TEX9: variants seen among roughly 807,000 people sequenced by gnomAD.
TEX9 encodes testis-expressed protein 9.
TEX9 carries 74 observed loss-of-function variants against 59.6 expected under a neutral mutation model. The observed-to-expected ratio is 1.24, with a 90% CI of 1.03 to 1.51. The LOEUF is 1.51. TEX9 is among the 40% of genes most tolerant of loss of function. TEX9 has a pLI of 0.00. For missense variants in TEX9, 522 were observed against 447.8 expected, an observed-to-expected ratio of 1.17 and a Z score of -1.49; for synonymous variants, 186 against 152.2, an observed-to-expected ratio of 1.22 and a Z score of -1.64.
At position 56,281,825 on chromosome 15, in the gene TEX9, C is replaced by T. The variant is rs540538404; in HGVS notation, c.-107+37547C>T. 6.6e-5 allele frequency among the ~76,000 whole-genome samples: 10 copies of T among 152,260 alleles called. No individual in the cohort carries two copies. In the East Asian group the frequency reaches 1.9e-3, roughly 29 times the overall value. On this transcript the variant is annotated intron_variant, in intron 1 of 5. Coordinates refer to the TEX9 transcript ENST00000560827. ...TATGCTTTATAGCTCTACCCAAATACAGTGTCCATTCCGAAGATCCGCAGT... is the reference window on the plus strand; with the variant it reads ...TATGCTTTATAGCTCTACCCAAATATAGTGTCCATTCCGAAGATCCGCAGT...
At chr15:56,267,424 T>A (rs2953798) in intron 1 of TEX9, among the ~76,000 whole-genome samples, 16,096 of 152,210 alleles carry the variant, frequency 0.11, 1,512 homozygotes, top group East Asian at 0.47. Flanking sequence ...CTGAATGGTA[T>A]TGCCTAGGTT....
At chr15:56,412,186 G>GA (rs1270110614) in intron 9 of TEX9, 116 bp from the exon 10 acceptor site, 1 of 892,226 alleles carries the variant, frequency 1.1e-6, no homozygotes, top group Non-Finnish European at 1.7e-6. Context: ...GTGTGTGTGT[G>GA]TGTGTGTAAA....
At chr15:56,446,322 T>C (rs1190332035), downstream of TEX9, among the ~76,000 whole-genome samples, 2 of 152,038 alleles carry the variant, frequency 1.3e-5, no homozygotes, top group African/African-American at 4.8e-5. Flanking sequence ...AAAGCACTCC[T>C]AGTGAGTATG....
At chr15:56,460,001 A>ATATATATATATATATAT in the TEX9 span, among the ~76,000 whole-genome samples, 1 of 33,882 alleles carries the variant, frequency 3.0e-5, no homozygotes, top group African/African-American at 1.1e-4. Context: ...AAAAAAAAAA[A>ATATATATATATATATAT]AAAAAAAAAT....
At chr15:56,434,273 A>G (rs768973665) in intron 12 of TEX9, 7 of 1,613,950 alleles carry the variant, frequency 4.3e-6, no homozygotes, top group Non-Finnish European at 5.9e-6. Flanking sequence ...TAGCTAGCAT[A>G]GTTTTTCTAA....
intron 12 of TEX9, chr15:56,445,563 T>G (rs1488762896): frequency 6.6e-6 from 1 of 152,046 alleles, no homozygotes; most frequent in Non-Finnish European, 1.5e-5. Flanking sequence ...TTTCTGATTA[T>G]CTTCTTTGTA....
At chr15:56,457,847 ACAACT>A in the TEX9 span, among the ~76,000 whole-genome samples, 1 of 152,036 alleles carries the variant, frequency 6.6e-6, no homozygotes, top group Non-Finnish European at 1.5e-5. Context: ...CAATTATCAC[ACAACT>A]CAACAATTTT....
chr15:56,394,789 C>A, exon 9 of TEX9: 1 of 1,612,452 alleles, frequency 6.2e-7, no homozygotes. Flanking sequence ...AAGAAGCAAA[C>A]AAAAAGTATG....
At chr15:56,256,884 G>A (rs1326089974) in intron 1 of TEX9, among the ~76,000 whole-genome samples, 1 of 151,958 alleles carries the variant, frequency 6.6e-6, no homozygotes, top group African/African-American at 2.4e-5. Flanking sequence ...TCATCACCAA[G>A]GTATGAAGCC....
intron 1 of TEX9, among the ~76,000 whole-genome samples, chr15:56,321,357 T>G (rs2045897832): frequency 6.6e-6 from 1 of 152,158 alleles, no homozygotes; most frequent in Non-Finnish European, 1.5e-5. Context: ...AGACTCAGAA[T>G]GCAGGGCTCA....
At chr15:56,301,422 T>C (rs1357881097) in intron 1 of TEX9, among the ~76,000 whole-genome samples, 1 of 151,946 alleles carries the variant, frequency 6.6e-6, no homozygotes, top group Admixed American at 6.6e-5. Flanking sequence ...AAGATATCAA[T>C]ATTCAAGTAT....
At chr15:56,321,730 A>G (rs1245977475) in intron 1 of TEX9, among the ~76,000 whole-genome samples, 3 of 152,180 alleles carry the variant, frequency 2.0e-5, no homozygotes, top group East Asian at 1.9e-4. Context: ...TATTAAATAT[A>G]TCTATGCTTA....
chr15:56,434,424 G>C (rs749346509), intron 12 of TEX9: 2 of 1,584,514 alleles, frequency 1.3e-6, no homozygotes, highest in Non-Finnish European at 1.7e-6. Context: ...AGTTAATTTA[G>C]TAACTATTTC....
At chr15:56,272,331 T>C (rs2044555101) in intron 1 of TEX9, among the ~76,000 whole-genome samples, 1 of 152,182 alleles carries the variant, frequency 6.6e-6, no homozygotes. Flanking sequence ...TCTCTATGGA[T>C]TTTCATATTA....
intron 1 of TEX9, among the ~76,000 whole-genome samples, chr15:56,346,181 CAAG>C (rs370115445): frequency 1.3e-5 from 2 of 152,140 alleles, no homozygotes; most frequent in East Asian, 1.9e-4. Flanking sequence ...TCTCAATCGG[CAAG>C]AAGAAGTCCC....
chr15:56,450,125 T>C (rs367653024), downstream of TEX9, among the ~76,000 whole-genome samples: 2 of 152,232 alleles, frequency 1.3e-5, no homozygotes, highest in Admixed American at 6.5e-5. Flanking sequence ...GTTTGTTTTC[T>C]AGTAATTCCA....
chr15:56,340,604 A>G (rs1055209929), intron 1 of TEX9, among the ~76,000 whole-genome samples: 5 of 152,100 alleles, frequency 3.3e-5, no homozygotes, highest in African/African-American at 1.2e-4. Context: ...GAGCCCTTAG[A>G]TCAACAGACT....
At position 56,278,351 on chromosome 15, in the gene TEX9, G is replaced by A. The variant is rs372389697; in HGVS notation, c.-107+34073G>A. 5.2e-4 allele frequency among the ~76,000 whole-genome samples: 79 copies of A among 152,262 alleles called. 2 individuals are homozygous for A. In the South Asian group the frequency reaches 0.016, roughly 32 times the overall value. On this transcript the variant is annotated intron_variant, in intron 1 of 5. Coordinates refer to the TEX9 transcript ENST00000560827. Reference sequence around the variant, plus strand: ...AAGTGTTTCATCTTTTCTCTGCAAGGCAGATAATGTGAAAGGCTGATTCCC... The same window carrying A: ...AAGTGTTTCATCTTTTCTCTGCAAGACAGATAATGTGAAAGGCTGATTCCC...
At chr15:56,457,732 C>T in the TEX9 span, among the ~76,000 whole-genome samples, 7 of 151,568 alleles carry the variant, frequency 4.6e-5, no homozygotes, top group African/African-American at 7.3e-5. Context: ...GGAGGACCGC[C>T]GGAGACCAGG....
Sources: allele counts gnomAD v4.1 joint callset (sites outside exome capture counted in the v4.1 genomes callset), GRCh38; gene constraint gnomAD v4.1.1; transcripts MANE v1.5; gene names NCBI Gene and HGNC (gene_info 2026-07-23, HGNC 2026-07-21).